Variants in SFMBT2 observed in about 807,000 individuals in gnomAD.
The protein encoded by SFMBT2 is Scm like with four mbt domains 2, also known as scm-like with four MBT domains protein 2.
In SFMBT2, 38 loss-of-function variants were observed where a neutral mutation model predicts 110.1. The observed-to-expected ratio is 0.35, with a 90% CI of 0.27 to 0.45. SFMBT2 has a LOEUF of 0.45. Ranked by LOEUF, SFMBT2 falls within the 20% of genes least tolerant of loss-of-function variation. The pLI, the probability that SFMBT2 is intolerant of heterozygous loss-of-function variation, is 1.00. For synonymous variants in SFMBT2, 425 were observed against 425.4 expected, an observed-to-expected ratio of 1.00 and a Z score of 0.01; for missense variants, 1,011 against 1,094.9, an observed-to-expected ratio of 0.92 and a Z score of 1.08.
At chr10:7,402,554 CTG>C (rs201732600) in intron 1 of SFMBT2, among the ~76,000 whole-genome samples, 3,832 of 152,262 alleles carry the variant, frequency 0.025, 72 homozygotes, top group South Asian at 0.048. Flanking sequence ...ATAATACCAA[CTG>C]TGAAAATTCA....
At chr10:7,327,649 C>G (rs917811246) in intron 4 of SFMBT2, among the ~76,000 whole-genome samples, 1 of 151,426 alleles carries the variant, frequency 6.6e-6, no homozygotes, top group African/African-American at 2.4e-5. Context: ...CCACTGCACT[C>G]CAGCCTGGGA....
chr10:7,281,430 A>G (rs930731115), intron 6 of SFMBT2, among the ~76,000 whole-genome samples: 4 of 152,072 alleles, frequency 2.6e-5, no homozygotes, highest in Non-Finnish European at 5.9e-5. Flanking sequence ...GAAGCAGAAC[A>G]CTTTCCAGTG....
At chr10:7,304,030 G>A (rs183004935) in intron 4 of SFMBT2, among the ~76,000 whole-genome samples, 13 of 152,334 alleles carry the variant, frequency 8.5e-5, no homozygotes, top group Admixed American at 5.2e-4. Flanking sequence ...CTCTCTGCAT[G>A]GGCGAGGTGG....
Position 7,407,503 on chromosome 10 carries a change from G to A in SFMBT2, c.-52+3358C>T, listed in dbSNP as rs553313386. Among the ~76,000 whole-genome samples, 198 of 152,204 alleles carry A rather than the reference G, an allele frequency of 1.3e-3. 3 individuals carry two copies. Among genetic ancestry groups the A allele is most frequent in the African/African-American group, 5.3e-4 (22 of 41,506 alleles). On this transcript the variant is annotated intron_variant, in intron 1 of 20. Transcript: ENST00000397167. ...CGGATCAGCCGCGGCTGTGCTGCGG[G>A]AGCCCTCAGGACGCGGCTGGGGTTG...
intron 1 of SFMBT2, among the ~76,000 whole-genome samples, chr10:7,400,710 T>C (rs1356223416): frequency 1.3e-5 from 2 of 152,220 alleles, no homozygotes; most frequent in Non-Finnish European, 2.9e-5. Flanking sequence ...CACAGGGACA[T>C]GAGAATGCTT....
In SFMBT2 at chr10:7,320,540, T is replaced by G. The variant is rs1843155067; in HGVS notation, c.437-34586A>C. 7.4e-6 allele frequency: 7 copies of G among 943,668 alleles called. No homozygotes were observed. The South Asian group carries it at 2.0e-4, about 26-fold the overall frequency. 58.5% of individuals were successfully genotyped at this position (943,668 alleles called of 1,614,324 possible). The stretch of plus-strand genomic sequence containing the variant: ...GTATTTTCTTATGAAAGGAACCATT[T>G]CACTATAGGAAGTAAGATCAACAAT... On this transcript the variant is annotated intron_variant, in intron 4 of 20. Transcript: ENST00000397167.
At chr10:7,355,307 T>C (rs1226799410) in intron 4 of SFMBT2, among the ~76,000 whole-genome samples, 1 of 152,034 alleles carries the variant, frequency 6.6e-6, no homozygotes, top group African/African-American at 2.4e-5. Context: ...TTTAAAATAT[T>C]AAAATAAAAT....
In SFMBT2 at chr10:7,243,546, C is replaced by T. The variant is rs762345314; in HGVS notation, c.1120+12G>A. 1.1e-6 allele frequency: 1 copy of T among 872,436 alleles called. No individual in the cohort carries two copies. The highest frequency in any genetic ancestry group is 2.0e-6 in the Non-Finnish European group (1 of 501,488). 54.0% of individuals were successfully genotyped at this position (872,436 alleles called of 1,614,324 possible). A position where few individuals can be genotyped will look rare whatever the true frequency, so the allele number is the denominator to read the frequency against. ...AATCTCCAGACCCTGCATACCTTCA[C>T]AGAATACAAACCTTTGGGAGGAGTG... On this transcript the variant is annotated intron_variant, in intron 9 of 20. Coordinates refer to ENST00000397167, the MANE Select transcript of SFMBT2 (RefSeq NM_001387889.1).
rs144185734 is a variant in SFMBT2 at position 7,381,867 on chromosome 10, T to G, written c.32A>C (p.Gln11Pro). Residue 11 changes from glutamine (Q) to proline (P), a missense_variant, in exon 2 of 21, where the codon CAA becomes CCA. Gln to Pro is a moderately conservative substitution (Grantham distance 76, BLOSUM62 -1). Around this residue, in one of 2 missense-constraint regions of SFMBT2, gnomAD observed 979 missense variants for 1,016.1 expected, o/e 0.96. Coordinates refer to ENST00000397167, the MANE Select transcript of SFMBT2 (RefSeq NM_001387889.1). The part of the protein sequence containing the change: MESTLSASNM[Q>P]DPSSSPLEKC... ...TTCCAAGGGTGAAGATGAAGGGTCTTGCATATTGGAAGCTGACAAAGTGCT... is the reference window on the plus strand; with the variant it reads ...TTCCAAGGGTGAAGATGAAGGGTCTGGCATATTGGAAGCTGACAAAGTGCT... The G allele has an allele frequency of 9.5e-5, 153 of 1,612,752 alleles. 1 individual carries two copies. The highest frequency in any genetic ancestry group is 3.3e-4 in the Middle Eastern group (2 of 6,082).
intron 1 of SFMBT2, among the ~76,000 whole-genome samples, chr10:7,405,777 C>T (rs566327542): frequency 2.0e-5 from 3 of 152,116 alleles, no homozygotes; most frequent in Non-Finnish European, 2.9e-5. Context: ...TGTCCCAGAT[C>T]CCACAGCTGA....
At chr10:7,295,387 T>C (rs751908172) in intron 4 of SFMBT2, 5 of 152,142 alleles carry the variant, frequency 3.3e-5, no homozygotes, top group African/African-American at 4.8e-5. Context: ...GGCCAACAAA[T>C]AATAGGTTAC....
At chr10:7,268,406 G>A (rs547929731) in intron 7 of SFMBT2, among the ~76,000 whole-genome samples, 38 of 152,262 alleles carry the variant, frequency 2.5e-4, no homozygotes, top group African/African-American at 8.7e-4. Context: ...TGGAAACTGG[G>A]GCGTTTTGCT....
chr10:7,361,215 G>A (rs79747833), intron 4 of SFMBT2, among the ~76,000 whole-genome samples: 4,131 of 152,244 alleles, frequency 0.027, 96 homozygotes, highest in Admixed American at 0.06. Flanking sequence ...TGGAACTCCA[G>A]TTACAATGTC....
At chr10:7,294,697 G>A (rs1842353826) in intron 4 of SFMBT2, among the ~76,000 whole-genome samples, 1 of 152,160 alleles carries the variant, frequency 6.6e-6, no homozygotes, top group South Asian at 2.1e-4. Context: ...GTGCAGAACA[G>A]CAAAGGACTT....
intron 4 of SFMBT2, among the ~76,000 whole-genome samples, chr10:7,290,223 C>T (rs1045758588): frequency 2.1e-4 from 31 of 147,532 alleles, no homozygotes; most frequent in African/African-American, 7.3e-4. Flanking sequence ...CTCATGCTTT[C>T]AACTCATTAA....
Position 7,367,641 on chromosome 10 carries a change from G to A in SFMBT2, c.436+8C>T, listed in dbSNP as rs142191690. On this transcript the variant is annotated splice_region_variant and intron_variant, in intron 4 of 20. Transcript: ENST00000397167. The surrounding 1 kb of genome is among the most constrained non-coding windows in gnomAD (Gnocchi z 6.2). ...TCGTAAATCGAAGCCTTTGAAACAG[G>A]GGCTCACCGTCCGGCGGCATCAACA... 6.2e-6 allele frequency: 10 copies of A among 1,604,008 alleles called. No homozygotes were observed. The African/African-American group carries it at 1.1e-4, about 17-fold the overall frequency.
At chr10:7,190,401 A>G (rs1341882901) in intron 15 of SFMBT2, among the ~76,000 whole-genome samples, 4 of 152,248 alleles carry the variant, frequency 2.6e-5, no homozygotes, top group Non-Finnish European at 4.4e-5. Context: ...TATTTGCTGC[A>G]TATCGAGATG....
At chr10:7,191,236 T>C (rs1008034263) in intron 15 of SFMBT2, among the ~76,000 whole-genome samples, 4 of 152,246 alleles carry the variant, frequency 2.6e-5, no homozygotes, top group African/African-American at 7.2e-5. Context: ...CAGCGCCTTT[T>C]CCTCTTCTTC....
intron 11 of SFMBT2, chr10:7,206,689 A>G (rs972069423): frequency 6.4e-6 from 5 of 782,896 alleles, no homozygotes; most frequent in Non-Finnish European, 7.7e-6. Context: ...CACAGCCATG[A>G]AACTCTGAAA....
Sources: allele counts gnomAD v4.1 joint callset (sites outside exome capture counted in the v4.1 genomes callset), GRCh38; gene constraint gnomAD v4.1.1; regional missense constraint gnomAD v4.1.1; non-coding constraint Gnocchi (gnomAD v3.1); transcripts MANE v1.5; gene names NCBI Gene and HGNC (gene_info 2026-07-23, HGNC 2026-07-21).